MAF: variants seen among roughly 807,000 people sequenced by gnomAD.
MAF encodes the protein transcription factor Maf.
Under a neutral mutation model 22.0 loss-of-function variants are expected in MAF, and 10 were observed. That is an observed-to-expected ratio of 0.45 (90% CI 0.28 to 0.77). The LOEUF (loss-of-function observed/expected upper bound fraction) is 0.77. Among genes scored for constraint, MAF ranks in the 30% least tolerant of loss-of-function variants. The pLI is 0.12. For missense variants in MAF, 544 were observed against 548.4 expected, an observed-to-expected ratio of 0.99 and a Z score of 0.08; for synonymous variants, 337 against 255.8, an observed-to-expected ratio of 1.32 and a Z score of -3.03.
chr16:79,556,672 A>T, the MAF span, among the ~76,000 whole-genome samples: 21 of 152,344 alleles, frequency 1.4e-4, no homozygotes, highest in Admixed American at 9.8e-4. Flanking sequence ...CTTATTCTTC[A>T]TCTTAAATCA....
At chr16:79,397,032 T>C in the MAF span, among the ~76,000 whole-genome samples, 2 of 152,214 alleles carry the variant, frequency 1.3e-5, no homozygotes, top group African/African-American at 4.8e-5. Flanking sequence ...CTGAAGTCGG[T>C]TGACTCATCT....
the MAF span, among the ~76,000 whole-genome samples, chr16:79,511,006 C>A: frequency 6.6e-6 from 1 of 152,214 alleles, no homozygotes; most frequent in Non-Finnish European, 1.5e-5. Flanking sequence ...ACCTGGCCCC[C>A]TGCACCTAGA....
At chr16:79,215,645 G>C in the MAF span, among the ~76,000 whole-genome samples, 71,921 of 151,796 alleles carry the variant, frequency 0.47, 19,335 homozygotes, top group Non-Finnish European at 0.62. Flanking sequence ...GGGGAACTTT[G>C]TAAGGGTAGC....
the MAF span, among the ~76,000 whole-genome samples, chr16:79,228,427 G>A: frequency 8.3e-3 from 1,261 of 152,130 alleles, 22 homozygotes; most frequent in African/African-American, 0.029. Flanking sequence ...GGCTTCACTA[G>A]ATCCTGCTCT....
the MAF span, among the ~76,000 whole-genome samples, chr16:79,424,497 T>C: frequency 6.6e-6 from 1 of 152,224 alleles, no homozygotes; most frequent in East Asian, 1.9e-4. Context: ...GAAGTTATAT[T>C]TTATGACTGC....
chr16:79,347,617 A>G, the MAF span, among the ~76,000 whole-genome samples: 4 of 152,172 alleles, frequency 2.6e-5, no homozygotes, highest in African/African-American at 9.7e-5. Flanking sequence ...GAGGTGTCAG[A>G]GAAAGATCTG....
chr16:79,243,794 G>A, the MAF span, among the ~76,000 whole-genome samples: 4 of 152,036 alleles, frequency 2.6e-5, no homozygotes, highest in African/African-American at 9.7e-5. Context: ...TATCCCTGAT[G>A]AACATTGCTG....
chr16:79,560,269 G>A, the MAF span, among the ~76,000 whole-genome samples: 3 of 152,092 alleles, frequency 2.0e-5, no homozygotes, highest in Non-Finnish European at 2.9e-5. Flanking sequence ...TATTACTTTG[G>A]AGACATTATT....
chr16:79,346,244 G>C, the MAF span, among the ~76,000 whole-genome samples: 4 of 142,776 alleles, frequency 2.8e-5, no homozygotes, highest in African/African-American at 1.1e-4. Flanking sequence ...TGTTCTCACT[G>C]TTCAATTCCC....
At chr16:79,501,914 G>A in the MAF span, among the ~76,000 whole-genome samples, 3 of 152,152 alleles carry the variant, frequency 2.0e-5, no homozygotes, top group Non-Finnish European at 4.4e-5. Context: ...CCCCGCCAGC[G>A]GCTTGAAGGG....
the MAF span, among the ~76,000 whole-genome samples, chr16:79,495,961 TGATA>T: frequency 6.6e-6 from 1 of 152,152 alleles, no homozygotes; most frequent in Admixed American, 6.5e-5. Flanking sequence ...ATAAATGGCT[TGATA>T]GATGTTTTCT....
chr16:79,218,093 G>A, the MAF span, among the ~76,000 whole-genome samples: 1 of 149,356 alleles, frequency 6.7e-6, no homozygotes, highest in Non-Finnish European at 1.5e-5. Context: ...GTTTAGCTGA[G>A]GTCACTTTAG....
chr16:79,363,537 G>A, the MAF span, among the ~76,000 whole-genome samples: 13 of 152,298 alleles, frequency 8.5e-5, no homozygotes, highest in Admixed American at 7.2e-4. Flanking sequence ...AGAATGGTTG[G>A]ATGGGCACTG....
chr16:79,334,111 A>G, the MAF span, among the ~76,000 whole-genome samples: 1 of 152,226 alleles, frequency 6.6e-6, no homozygotes, highest in Admixed American at 6.5e-5. Context: ...TGCTCAAGAG[A>G]AGTAACTTCA....
At chr16:79,596,233 A>G (rs746765486) in intron 1 of MAF, 17 of 1,060,668 alleles carry the variant, frequency 1.6e-5, no homozygotes, top group Non-Finnish European at 1.8e-5. Context: ...TTATGGCTCA[A>G]CTCATTTGAA....
At chr16:79,481,722 A>T in the MAF span, among the ~76,000 whole-genome samples, 1 of 152,138 alleles carries the variant, frequency 6.6e-6, no homozygotes, top group South Asian at 2.1e-4. Context: ...CCATCCATCC[A>T]TCTATACATC....
chr16:79,475,823 C>T, the MAF span, among the ~76,000 whole-genome samples: 1 of 152,124 alleles, frequency 6.6e-6, no homozygotes, highest in Non-Finnish European at 1.5e-5. Context: ...GGGTTTGTTA[C>T]ACTTGTTGCA....
chr16:79,318,513 C>A, the MAF span, among the ~76,000 whole-genome samples: 1,755 of 152,288 alleles, frequency 0.012, 25 homozygotes, highest in African/African-American at 0.04. Flanking sequence ...TCAGCCTGAA[C>A]CTGCACTAGC....
At chr16:79,262,580 C>A in the MAF span, among the ~76,000 whole-genome samples, 1 of 151,954 alleles carries the variant, frequency 6.6e-6, no homozygotes, top group Non-Finnish European at 1.5e-5. Flanking sequence ...GGAGGTGTGA[C>A]AATGGCAATT....
Sources: gnomAD v4.1 joint callset for allele counts (sites outside exome capture counted in the v4.1 genomes callset) on GRCh38, gnomAD v4.1.1 for gene constraint, MANE v1.5 for transcripts, NCBI Gene and HGNC (gene_info 2026-07-23, HGNC 2026-07-21) for gene names.